The following HIP1 variants were observed in gnomAD, a reference collection of about 807,000 sequenced individuals.
HIP1 encodes the protein huntingtin interacting protein 1, also known as huntingtin-interacting protein 1.
In HIP1, 65 loss-of-function variants were observed where a neutral mutation model predicts 147.6. The observed-to-expected ratio is 0.44, with a 90% CI of 0.36 to 0.54. The LOEUF (loss-of-function observed/expected upper bound fraction) is 0.54. Among genes scored for constraint, HIP1 ranks in the 20% least tolerant of loss-of-function variants. The pLI, the probability that HIP1 is intolerant of heterozygous loss-of-function variation, is 0.00. For missense variants in HIP1, 1,061 were observed against 1,299.6 expected (o/e 0.82, Z 2.82); for synonymous variants, 479 against 504.0 (o/e 0.95, Z 0.67).
At chr7:75,563,662 C>T (rs587727880) in intron 9 of HIP1, among the ~76,000 whole-genome samples, 78 of 152,300 alleles carry the variant, frequency 5.1e-4, no homozygotes, top group African/African-American at 1.8e-3. Context: ...AATTTTACTA[C>T]AAAGGTAGCT....
At chr7:75,579,824 C>T (rs1438367864) in intron 7 of HIP1, among the ~76,000 whole-genome samples, 9 of 152,118 alleles carry the variant, frequency 5.9e-5, no homozygotes, top group African/African-American at 1.9e-4. Context: ...GAGAAGGCCA[C>T]GAGGCTTGGG....
chr7:75,599,148 C>G (rs1796875913), intron 2 of HIP1, 36 bp downstream of exon 2: 1 of 1,548,516 alleles, frequency 6.5e-7, no homozygotes, highest in Admixed American at 1.7e-5. Flanking sequence ...TGACCTCCCT[C>G]AGGGTCGGTC....
At chr7:75,595,252 C>CTTT (rs1236147985) in intron 2 of HIP1, among the ~76,000 whole-genome samples, 20 of 80,746 alleles carry the variant, frequency 2.5e-4, no homozygotes, top group Admixed American at 6.8e-4. Context: ...TTCTTTCTTT[C>CTTT]TTCCTTCCTT....
chr7:75,649,212 C>T lies in HIP1; in HGVS notation c.121-49965G>A, dbSNP rs57555025. Among the ~76,000 whole-genome samples the T allele has an allele frequency of 2.6e-3, 397 of 152,116 alleles. 4 individuals are homozygous for T. Among genetic ancestry groups the T allele is most frequent in the African/African-American group, 8.9e-3 (370 of 41,486 alleles). ...GCTAATTTTGTATTTTTAGTAGAGA[C>T]GGGGTTTCTCCATGTTGGTCAGGCT... is the stretch of plus-strand genomic sequence containing the variant. On this transcript the variant is annotated intron_variant, in intron 1 of 30. Coordinates refer to ENST00000336926, the MANE Select transcript of HIP1 (RefSeq NM_005338.7).
chr7:75,548,378 CACCTTCTCTCATGAGG>C (rs1184920995), intron 23 of HIP1, among the ~76,000 whole-genome samples: 21 of 152,212 alleles, frequency 1.4e-4, no homozygotes, highest in Admixed American at 5.2e-4. Context: ...GGAAACTAAT[CACCTTCTCTCATGAGG>C]ACCTTCTCTC....
intron 5 of HIP1, among the ~76,000 whole-genome samples, chr7:75,583,756 TTGTGTGTGTGTG>T (rs60640180): frequency 1.1e-3 from 127 of 115,514 alleles, no homozygotes; most frequent in Middle Eastern, 4.2e-3. Flanking sequence ...GCGGGCTAAT[TTGTGTGTGTGTG>T]TGTGTGTGTG....
At chr7:75,647,867 T>C (rs1798855681) in intron 1 of HIP1, among the ~76,000 whole-genome samples, 1 of 152,102 alleles carries the variant, frequency 6.6e-6, no homozygotes, top group South Asian at 2.1e-4. Context: ...TGAACACGAG[T>C]GGCAGTGTGA....
At chr7:75,698,243 G>A (rs1800702652) in intron 1 of HIP1, among the ~76,000 whole-genome samples, 1 of 151,898 alleles carries the variant, frequency 6.6e-6, no homozygotes, top group Admixed American at 6.6e-5. Context: ...TATTTAGAGG[G>A]CTCACTAGAT....
chr7:75,673,948 T>G (rs1318597315), intron 1 of HIP1, among the ~76,000 whole-genome samples: 1 of 152,030 alleles, frequency 6.6e-6, no homozygotes, highest in Non-Finnish European at 1.5e-5. Flanking sequence ...CTTGTACCAC[T>G]GCACTCCAGC....
chr7:75,640,103 T>C (rs1015634430), intron 1 of HIP1, among the ~76,000 whole-genome samples: 1 of 152,212 alleles, frequency 6.6e-6, no homozygotes, highest in Non-Finnish European at 1.5e-5. Context: ...GCTGGTGGCC[T>C]CAAAAGGTCT....
At chr7:75,575,022 A>G (rs974363299) in intron 7 of HIP1, among the ~76,000 whole-genome samples, 1 of 151,180 alleles carries the variant, frequency 6.6e-6, no homozygotes, top group Non-Finnish European at 1.5e-5. Context: ...GCCAGGCGTG[A>G]TGGCTCACGC....
intron 1 of HIP1, among the ~76,000 whole-genome samples, chr7:75,685,465 C>T (rs1474733257): frequency 6.6e-6 from 1 of 152,252 alleles, no homozygotes; most frequent in Non-Finnish European, 1.5e-5. Flanking sequence ...CTACTGATGT[C>T]TTTGCCCACT....
rs144509798 is a variant in HIP1, at chr7:75,720,826, G to C, written c.120+17975C>G. On this transcript the variant is annotated intron_variant, in intron 1 of 30. Coordinates refer to ENST00000336926, the MANE Select transcript of HIP1 (RefSeq NM_005338.7). ...GGCCGAGGTGGGCGGATCACCTGAG[G>C]TCGGGAGTTCAAAACCAGCCTCACC... is the stretch of plus-strand genomic sequence containing the variant. Among the ~76,000 whole-genome samples, 42 of 152,076 alleles carry C rather than the reference G, an allele frequency of 2.8e-4. 2 individuals carry two copies. In the East Asian group the frequency reaches 8.2e-3, roughly 30 times the overall value.
chr7:75,570,691 A>G (rs587670954), intron 8 of HIP1, among the ~76,000 whole-genome samples: 3 of 152,260 alleles, frequency 2.0e-5, no homozygotes, highest in African/African-American at 7.2e-5. Flanking sequence ...CTGTAGATCT[A>G]AAACAAAAAT....
chr7:75,579,473 G>C (rs1795960826), intron 7 of HIP1, among the ~76,000 whole-genome samples: 1 of 151,762 alleles, frequency 6.6e-6, no homozygotes, highest in Non-Finnish European at 1.5e-5. Flanking sequence ...TGTATTTTTA[G>C]TAGAGACAGG....
At chr7:75,726,954 G>T (rs1801669473) in intron 1 of HIP1, among the ~76,000 whole-genome samples, 1 of 151,940 alleles carries the variant, frequency 6.6e-6, no homozygotes, top group Non-Finnish European at 1.5e-5. Context: ...TGAGATTACA[G>T]GTGTGAGCCA....
intron 1 of HIP1, among the ~76,000 whole-genome samples, chr7:75,610,589 A>G (rs1280219995): frequency 1.3e-5 from 2 of 151,922 alleles, no homozygotes; most frequent in Non-Finnish European, 2.9e-5. Context: ...TACCCAGACT[A>G]GAATCCCAAG....
chr7:75,541,825 G>T, intron 29 of HIP1, 94 bp downstream of exon 29: 1 of 934,662 alleles, frequency 1.1e-6, no homozygotes, highest in Non-Finnish European at 1.8e-6. Flanking sequence ...GTGCACCTGT[G>T]TTCATTTCCC....
chr7:75,715,454 CACACAG>C (rs1170810296), intron 1 of HIP1, among the ~76,000 whole-genome samples: 1 of 131,980 alleles, frequency 7.6e-6, no homozygotes, highest in Non-Finnish European at 1.6e-5. Flanking sequence ...GAGAGAGACA[CACACAG>C]AGAGAGAGAG....
Sources: gnomAD v4.1 joint callset for allele counts (sites outside exome capture counted in the v4.1 genomes callset) on GRCh38, gnomAD v4.1.1 for gene constraint, MANE v1.5 for transcripts, NCBI Gene and HGNC (gene_info 2026-07-23, HGNC 2026-07-21) for gene names.